Variants in TBC1D32 observed in about 807,000 individuals in gnomAD.
TBC1D32 encodes the protein TBC1 domain family member 32, also known as protein broad-minded.
Under a neutral mutation model 170.3 loss-of-function variants are expected in TBC1D32, and 151 were observed. The observed-to-expected ratio is 0.89, with a 90% CI of 0.78 to 1.01. The LOEUF is 1.01. Ranked by LOEUF, TBC1D32 falls within the 50% of genes least tolerant of loss-of-function variation. The probability of loss-of-function intolerance (pLI) is 0.00; values close to 1 mark genes in which losing one functional copy is unlikely to be tolerated. For synonymous variants in TBC1D32, 498 were observed against 488.0 expected (o/e 1.02, Z -0.27); for missense variants, 1,464 against 1,457.1 (o/e 1.00, Z -0.08).
intron 1 of TBC1D32, among the ~76,000 whole-genome samples, chr6:121,331,007 T>C (rs972946721): frequency 6.6e-6 from 1 of 152,194 alleles, no homozygotes; most frequent in Non-Finnish European, 1.5e-5. Context: ...AAAGCAGAGA[T>C]AGTATGTTAG....
intron 24 of TBC1D32, among the ~76,000 whole-genome samples, chr6:121,157,920 T>C (rs889078447): frequency 6.6e-6 from 1 of 152,142 alleles, no homozygotes; most frequent in African/African-American, 2.4e-5. Context: ...CCTTTCTCTC[T>C]AGCTGCCTTT....
intron 17 of TBC1D32, among the ~76,000 whole-genome samples, chr6:121,254,752 T>C (rs1310765467): frequency 1.3e-5 from 2 of 152,058 alleles, no homozygotes; most frequent in East Asian, 3.9e-4. Context: ...TATTTGATTA[T>C]AAAATAAGAA....
chr6:121,292,206 G>A lies in TBC1D32; in HGVS notation c.1232-13C>T. On this transcript the variant is annotated splice_polypyrimidine_tract_variant and intron_variant, in intron 11 of 31. Transcript: ENST00000398212. ...TTCTGCTTGTTTCCTTAAAAGAGAA[G>A]CAAACACGAATATTTATTTAGTATC... The A allele has an allele frequency of 6.4e-7, 1 of 1,574,128 alleles. No homozygotes were observed. The highest frequency in any genetic ancestry group is 8.6e-7 in the Non-Finnish European group (1 of 1,157,278).
chr6:121,106,267 G>T, intron 29 of TBC1D32, 104 bp from the exon 30 acceptor site: 1 of 635,634 alleles, frequency 1.6e-6, no homozygotes, highest in Non-Finnish European at 2.2e-6. Flanking sequence ...GCTGTAAATT[G>T]CTGCTTCAAA....
At position 121,292,207 on chromosome 6, in the gene TBC1D32, C is replaced by T. The variant is rs549934320; in HGVS notation, c.1232-14G>A. ...TCTGCTTGTTTCCTTAAAAGAGAAG[C>T]AAACACGAATATTTATTTAGTATCA... On this transcript the variant is annotated splice_polypyrimidine_tract_variant and intron_variant, in intron 11 of 31. Coordinates refer to ENST00000398212, the MANE Select transcript of TBC1D32 (RefSeq NM_152730.6). 2 of 1,573,790 alleles carry T rather than the reference C, an allele frequency of 1.3e-6. No individual in the cohort carries two copies. The highest frequency in any genetic ancestry group is 2.7e-5 in the African/African-American group (2 of 73,342).
chr6:121,179,173 CATATACACACATACATACATAT>C (rs1223866983), intron 22 of TBC1D32, among the ~76,000 whole-genome samples: 1 of 151,758 alleles, frequency 6.6e-6, no homozygotes, highest in African/African-American at 2.4e-5. Context: ...AGGGGGGATA[CATATACACACATACATACATAT>C]ATATACACAC....
chr6:121,193,583 G>A (rs960264199), intron 22 of TBC1D32, among the ~76,000 whole-genome samples: 2 of 152,126 alleles, frequency 1.3e-5, no homozygotes, highest in Non-Finnish European at 2.9e-5. Flanking sequence ...ATGTGGCAAG[G>A]GCCAAGTGGT....
At position 121,137,495 on chromosome 6, in the gene TBC1D32, C is replaced by A. The variant is rs75483799; in HGVS notation, c.2774-5743G>T. Among the ~76,000 whole-genome samples, 535 of 127,182 alleles carry A rather than the reference C, an allele frequency of 4.2e-3. 9 individuals carry two copies. The East Asian group carries it at 0.067, about 16-fold the overall frequency. 83.4% of individuals were successfully genotyped at this position (127,182 alleles called of 152,430 possible). A position where few individuals can be genotyped will look rare whatever the true frequency, so the allele number is the denominator to read the frequency against. On this transcript the variant is annotated intron_variant, in intron 24 of 31. Coordinates refer to ENST00000398212, the MANE Select transcript of TBC1D32 (RefSeq NM_152730.6). ...GGAAGAAGGTAAAAAAAAAAAAAAA[C>A]AACTACTTTATTCTCTGTCCTTACC...
intron 24 of TBC1D32, among the ~76,000 whole-genome samples, chr6:121,152,786 T>C (rs1484087737): frequency 2.0e-5 from 3 of 152,160 alleles, no homozygotes; most frequent in African/African-American, 7.2e-5. Context: ...TTCCGCTTGA[T>C]TGATTTGGCT....
At chr6:121,082,815 G>A (rs1223081851) in intron 31 of TBC1D32, among the ~76,000 whole-genome samples, 1 of 151,806 alleles carries the variant, frequency 6.6e-6, no homozygotes, top group Non-Finnish European at 1.5e-5. Flanking sequence ...AATTGTAAAT[G>A]CCCTGATAAC....
chr6:121,192,952 C>T (rs1348279840), intron 22 of TBC1D32, among the ~76,000 whole-genome samples: 1 of 152,066 alleles, frequency 6.6e-6, no homozygotes, highest in African/African-American at 2.4e-5. Context: ...CCTCCAACAC[C>T]CCTGTTTACT....
At chr6:121,210,530 A>G (rs112001534) in intron 21 of TBC1D32, among the ~76,000 whole-genome samples, 4 of 152,338 alleles carry the variant, frequency 2.6e-5, no homozygotes, top group African/African-American at 9.6e-5. Flanking sequence ...TGCTTCTAGA[A>G]ATCTAGCCTG....
rs1259707912 is a variant in TBC1D32, at chr6:121,219,527, TC to T, written c.2481+3708del. ...ATCATAAAACTAATTTGTACTTGTTTCCCATAATCTAAATAAAACCAATCAT... is the reference window on the plus strand; with the variant it reads ...ATCATAAAACTAATTTGTACTTGTTTCCATAATCTAAATAAAACCAATCAT... On this transcript the variant is annotated intron_variant, in intron 21 of 31. Coordinates refer to ENST00000398212, the MANE Select transcript of TBC1D32 (RefSeq NM_152730.6). Among the ~76,000 whole-genome samples, 11 of 152,306 alleles carry T rather than the reference TC, an allele frequency of 7.2e-5. No homozygotes were observed. The East Asian group carries it at 1.9e-3, about 27-fold the overall frequency.
chr6:121,273,416 C>T (rs577660764), intron 15 of TBC1D32, among the ~76,000 whole-genome samples: 2 of 151,642 alleles, frequency 1.3e-5, no homozygotes, highest in South Asian at 4.2e-4. Context: ...TGCATGTTCT[C>T]ACTCATAGGT....
At chr6:121,168,228 C>T (rs1390557332) in intron 22 of TBC1D32, among the ~76,000 whole-genome samples, 82 of 112,712 alleles carry the variant, frequency 7.3e-4, no homozygotes, top group African/African-American at 2.8e-3. Context: ...ACCCAAAGGA[C>T]TATAAATCAT....
At chr6:121,098,469 T>C (rs909627685) in intron 30 of TBC1D32, among the ~76,000 whole-genome samples, 6 of 151,924 alleles carry the variant, frequency 3.9e-5, no homozygotes, top group African/African-American at 1.4e-4. Flanking sequence ...ATTCACTTCA[T>C]TGATCGTGAA....
chr6:121,241,195 C>T (rs1024833354), intron 19 of TBC1D32, among the ~76,000 whole-genome samples: 6 of 152,166 alleles, frequency 3.9e-5, no homozygotes, highest in East Asian at 3.9e-4. Flanking sequence ...GCATTAAGTA[C>T]GTTTCTCCTG....
chr6:121,188,209 T>C (rs1789457003), intron 22 of TBC1D32, among the ~76,000 whole-genome samples: 1 of 152,116 alleles, frequency 6.6e-6, no homozygotes, highest in African/African-American at 2.4e-5. Flanking sequence ...CCAATACAAA[T>C]ACCTGAGACA....
intron 29 of TBC1D32, among the ~76,000 whole-genome samples, chr6:121,109,925 C>A (rs890083726): frequency 2.0e-5 from 3 of 151,806 alleles, no homozygotes; most frequent in African/African-American, 7.3e-5. Flanking sequence ...AATACATTTT[C>A]TAGAGTAATA....
Sources: gnomAD v4.1 joint callset for allele counts (sites outside exome capture counted in the v4.1 genomes callset) on GRCh38, gnomAD v4.1.1 for gene constraint, MANE v1.5 for transcripts, NCBI Gene and HGNC (gene_info 2026-07-23, HGNC 2026-07-21) for gene names.